CA10: variants seen among roughly 807,000 people sequenced by gnomAD.
The protein encoded by CA10 is carbonic anhydrase 10 (inactive).
A neutral mutation model predicts 44.2 loss-of-function variants in CA10; 14 were observed. That is an observed-to-expected ratio of 0.32 (90% confidence interval 0.21 to 0.50). The LOEUF is 0.50. Among genes scored for constraint, CA10 ranks in the 20% least tolerant of loss-of-function variants. CA10 has a pLI of 0.99. For missense variants in CA10, 350 were observed against 409.7 expected (o/e 0.85, Z 1.26); for synonymous variants, 159 against 141.6 (o/e 1.12, Z -0.87).
intron 2 of CA10, among the ~76,000 whole-genome samples, chr17:52,059,027 A>G (rs1987305506): frequency 6.6e-6 from 1 of 152,268 alleles, no homozygotes; most frequent in Non-Finnish European, 1.5e-5. Context: ...ATAACAAAGT[A>G]TTTCTAATTG....
intron 1 of CA10, among the ~76,000 whole-genome samples, chr17:52,122,750 G>A (rs918268737): frequency 6.6e-5 from 10 of 152,288 alleles, no homozygotes; most frequent in Non-Finnish European, 1.5e-5. Flanking sequence ...GCTTAAATAC[G>A]CCTCTTGGGT....
chr17:52,072,484 A>G, intron 1 of CA10, 91 bp from the exon 2 acceptor site: 1 of 910,410 alleles, frequency 1.1e-6, no homozygotes, highest in Non-Finnish European at 1.8e-6. Context: ...TATCCATAAA[A>G]TAACCCTTTT....
At chr17:52,022,864 A>C (rs1986186678) in intron 2 of CA10, among the ~76,000 whole-genome samples, 1 of 152,050 alleles carries the variant, frequency 6.6e-6, no homozygotes, top group African/African-American at 2.4e-5. Context: ...TACAATAGCA[A>C]CAACAACAAA....
At chr17:51,833,740 T>C (rs1314517749) in intron 3 of CA10, among the ~76,000 whole-genome samples, 14 of 152,182 alleles carry the variant, frequency 9.2e-5, no homozygotes, top group Non-Finnish European at 1.6e-4. Context: ...TGTATATATA[T>C]ATTAGAAAGC....
chr17:52,126,564 C>T (rs1376961696), intron 1 of CA10, among the ~76,000 whole-genome samples: 1 of 152,126 alleles, frequency 6.6e-6, no homozygotes, highest in African/African-American at 2.4e-5. Context: ...TTTTTTCTTA[C>T]ACTATTGAGA....
intron 1 of CA10, among the ~76,000 whole-genome samples, chr17:52,126,333 T>A (rs769737965): frequency 9.2e-5 from 14 of 152,352 alleles, no homozygotes; most frequent in Non-Finnish European, 1.9e-4. Context: ...ATTGTTATTA[T>A]TTTAATTTTG....
intron 3 of CA10, among the ~76,000 whole-genome samples, chr17:51,901,163 G>A (rs1234928579): frequency 6.6e-6 from 1 of 152,040 alleles, no homozygotes; most frequent in African/African-American, 2.4e-5. Context: ...TATATTTGAT[G>A]TTACTGTCCT....
At chr17:51,674,140 TCCCAGGTAAAATGAGAG>T (rs869146767) in intron 4 of CA10, among the ~76,000 whole-genome samples, 58 of 152,360 alleles carry the variant, frequency 3.8e-4, no homozygotes, top group African/African-American at 1.3e-3. Context: ...ACAGCGCATC[TCCCAGGTAAAATGAGAG>T]CTGCTTGAGG....
At chr17:52,067,823 C>G (rs886089796) in intron 2 of CA10, among the ~76,000 whole-genome samples, 1 of 152,202 alleles carries the variant, frequency 6.6e-6, no homozygotes, top group Non-Finnish European at 1.5e-5. Flanking sequence ...GCTTGTAGCC[C>G]ATTTGTTTTG....
intron 2 of CA10, among the ~76,000 whole-genome samples, chr17:51,968,260 T>C (rs2144063915): frequency 6.6e-6 from 1 of 152,002 alleles, no homozygotes; most frequent in East Asian, 1.9e-4. Flanking sequence ...TGCAGATATT[T>C]ATAGCAGCAT....
chr17:51,831,733 A>AGCAGCAGCCGCCGCCGCCGC (rs1567854687), intron 3 of CA10, among the ~76,000 whole-genome samples: 1 of 121,522 alleles, frequency 8.2e-6, no homozygotes, highest in African/African-American at 4.1e-5. Context: ...GCAGCAGCAG[A>AGCAGCAGCCGCCGCCGCCGC]AAAAGACCTT....
At chr17:52,037,344 G>C (rs1263856990) in intron 2 of CA10, among the ~76,000 whole-genome samples, 3 of 152,218 alleles carry the variant, frequency 2.0e-5, no homozygotes, top group Middle Eastern at 3.4e-3. Context: ...GTAGCTAAGA[G>C]AGAATAATTT....
intron 3 of CA10, among the ~76,000 whole-genome samples, chr17:51,781,186 A>T (rs1023360671): frequency 6.6e-6 from 1 of 152,196 alleles, no homozygotes; most frequent in Non-Finnish European, 1.5e-5. Flanking sequence ...CAAGTCATTT[A>T]TCATCTCTGA....
chr17:51,975,635 C>T (rs537132680), intron 2 of CA10, among the ~76,000 whole-genome samples: 10 of 152,250 alleles, frequency 6.6e-5, no homozygotes, highest in Admixed American at 6.5e-4. Flanking sequence ...GGCGAGATCG[C>T]CTCACTGCAC....
intron 1 of CA10, among the ~76,000 whole-genome samples, chr17:52,083,680 T>C (rs535710618): frequency 2.0e-5 from 3 of 152,222 alleles, no homozygotes; most frequent in Non-Finnish European, 4.4e-5. Context: ...TTTCTGTTTC[T>C]GAGTTATTTC....
intron 2 of CA10, among the ~76,000 whole-genome samples, chr17:52,070,025 G>A (rs1438011203): frequency 6.6e-6 from 1 of 152,210 alleles, no homozygotes; most frequent in Non-Finnish European, 1.5e-5. Flanking sequence ...CTCAGATAAA[G>A]TAGGTCATCT....
At chr17:51,991,215 A>T (rs1486277744) in intron 2 of CA10, among the ~76,000 whole-genome samples, 1 of 152,102 alleles carries the variant, frequency 6.6e-6, no homozygotes, top group African/African-American at 2.4e-5. Flanking sequence ...ATCCATTAGC[A>T]TTTTCCTTCA....
intron 2 of CA10, among the ~76,000 whole-genome samples, chr17:51,948,696 C>A (rs1983374700): frequency 6.6e-6 from 1 of 152,090 alleles, no homozygotes; most frequent in African/African-American, 2.4e-5. Flanking sequence ...ATGTGTGTGC[C>A]TTTCCAGCCC....
At chr17:52,147,868 C>A (rs1007780941) in intron 1 of CA10, among the ~76,000 whole-genome samples, 3 of 151,988 alleles carry the variant, frequency 2.0e-5, no homozygotes, top group African/African-American at 7.2e-5. Flanking sequence ...TTTTCTATAA[C>A]CCCTTTTTAT....
Sources: gnomAD v4.1 joint callset for allele counts (sites outside exome capture counted in the v4.1 genomes callset) on GRCh38, gnomAD v4.1.1 for gene constraint, MANE v1.5 for transcripts, NCBI Gene and HGNC (gene_info 2026-07-23, HGNC 2026-07-21) for gene names.